Variants in APPBP2 observed in about 807,000 individuals in gnomAD.
APPBP2 encodes amyloid beta precursor protein binding protein 2.
Under a neutral mutation model 76.0 loss-of-function variants are expected in APPBP2, and 15 were observed. That is an observed-to-expected ratio of 0.20 (90% confidence interval 0.13 to 0.30). The LOEUF is 0.30. Among genes scored for constraint, APPBP2 ranks in the 10% least tolerant of loss-of-function variants. The pLI is 1.00. For missense variants in APPBP2, 401 were observed against 687.2 expected (o/e 0.58, Z 4.66); for synonymous variants, 222 against 242.2 (o/e 0.92, Z 0.77).
At chr17:60,496,019 T>A (rs1444807715) in intron 2 of APPBP2, among the ~76,000 whole-genome samples, 1 of 152,210 alleles carries the variant, frequency 6.6e-6, no homozygotes, top group East Asian at 1.9e-4. Context: ...TTATGCTAAG[T>A]GTCAGTCACA....
chr17:60,516,696 T>C (rs1013199837), intron 1 of APPBP2, among the ~76,000 whole-genome samples: 4 of 152,354 alleles, frequency 2.6e-5, no homozygotes, highest in Non-Finnish European at 5.9e-5. Flanking sequence ...TAAGTGTATA[T>C]ATCTTGAAGT....
chr17:60,503,391 AT>A lies in APPBP2; in HGVS notation c.139-2905del, dbSNP rs879353985. Among the ~76,000 whole-genome samples the A allele has an allele frequency of 1.1e-3, 144 of 135,206 alleles. 2 individuals are homozygous for A. The highest frequency in any genetic ancestry group is 2.1e-3 in the East Asian group (10 of 4,834). 88.7% of individuals were successfully genotyped at this position (135,206 alleles called of 152,430 possible). ...AAGTTTATCTAAAAAATGCAAAGTA[AT>A]TTTTTTTTTTTTGAGACAGAGTTTT... On this transcript the variant is annotated intron_variant, in intron 1 of 12. Coordinates refer to ENST00000083182, the MANE Select transcript of APPBP2 (RefSeq NM_006380.5).
chr17:60,500,461 T>A lies in APPBP2; in HGVS notation c.165A>T (p.Gln55His). The A allele has an allele frequency of 6.2e-7, 1 of 1,611,018 alleles. No homozygotes were observed. The highest frequency in any genetic ancestry group is 8.5e-7 in the Non-Finnish European group (1 of 1,178,910). ...CCAATTCACAAAATTCACTGCCCAG[T>A]TGACATAAGCGTCCCTGTTGGTAAA... ...YKLYQQGRLC[Q>H]LGSEFCELEV... The change falls in exon 2 of 13, where the codon CAA becomes CAT. Residue 55 changes from glutamine (Q) to histidine (H), a missense_variant. This residue lies in a region of APPBP2 where 149 missense variants were observed against 198.4 expected (regional missense o/e 0.75). Coordinates refer to ENST00000083182, the MANE Select transcript of APPBP2 (RefSeq NM_006380.5).
rs553905336 is a variant in APPBP2, at chr17:60,461,804, A to G, written c.936+6T>C. ...TGAAAGAAAAAAAGGGTAACCATTAACATACCTGATAAATTGCAACAGACT... is the reference window on the plus strand; with the variant it reads ...TGAAAGAAAAAAAGGGTAACCATTAGCATACCTGATAAATTGCAACAGACT... On this transcript the variant is annotated splice_donor_region_variant and intron_variant, in intron 8 of 12. Transcript: ENST00000083182. 2 of 1,589,134 alleles carry G rather than the reference A, an allele frequency of 1.3e-6. No homozygotes were observed. The highest frequency in any genetic ancestry group is 3.5e-5 in the Admixed American group (2 of 57,698).
rs1008543504 is a variant in APPBP2 at position 60,446,746 on chromosome 17, C to T, written c.*835G>A. ...TCTATTACATAATTTTTGCATTATC[C>T]TTTTTCATTATACATCTAAATGAAA... On this transcript the variant is annotated 3_prime_UTR_variant, in exon 13 of 13. Coordinates refer to ENST00000083182, the MANE Select transcript of APPBP2 (RefSeq NM_006380.5). The T allele has an allele frequency of 2.0e-5, 3 of 152,120 alleles. No individual in the cohort carries two copies. Among genetic ancestry groups the T allele is most frequent in the Non-Finnish European group, 4.4e-5 (3 of 68,016 alleles). The allele number at this position is 152,120 out of a possible 1,614,324, so 9.4% of individuals were successfully genotyped here.
intron 12 of APPBP2, among the ~76,000 whole-genome samples, chr17:60,450,665 C>G (rs1427852769): frequency 6.6e-6 from 1 of 150,438 alleles, no homozygotes; most frequent in African/African-American, 2.4e-5. Context: ...GTAGTCCCAG[C>G]TACTCAGGTG....
intron 1 of APPBP2, among the ~76,000 whole-genome samples, chr17:60,520,256 CATA>C (rs2090997768): frequency 6.6e-6 from 1 of 151,966 alleles, no homozygotes; most frequent in South Asian, 2.1e-4. Context: ...TTCTTTTCAG[CATA>C]ATACTTTAAT....
intron 3 of APPBP2, among the ~76,000 whole-genome samples, chr17:60,487,774 C>G (rs1390215607): frequency 1.3e-5 from 2 of 152,192 alleles, no homozygotes; most frequent in Non-Finnish European, 2.9e-5. Context: ...GGAGAAAAGG[C>G]ACTCTGGTTT....
intron 4 of APPBP2, among the ~76,000 whole-genome samples, chr17:60,471,696 A>C (rs1350597024): frequency 2.6e-5 from 4 of 151,856 alleles, no homozygotes; most frequent in African/African-American, 9.7e-5. Context: ...AATCCTTTTA[A>C]TATTCTATTA....
chr17:60,472,832 T>A (rs2090563352), intron 4 of APPBP2, among the ~76,000 whole-genome samples: 1 of 152,246 alleles, frequency 6.6e-6, no homozygotes. Context: ...GTTTTTGTAC[T>A]TTTAAGGTAC....
intron 12 of APPBP2, among the ~76,000 whole-genome samples, chr17:60,450,087 G>A (rs1465975671): frequency 6.6e-6 from 1 of 151,378 alleles, no homozygotes; most frequent in African/African-American, 2.4e-5. Context: ...GTGAGCCACC[G>A]TGCCTGGCTG....
intron 2 of APPBP2, among the ~76,000 whole-genome samples, chr17:60,498,260 G>T (rs1406605027): frequency 6.6e-6 from 1 of 152,156 alleles, no homozygotes; most frequent in Admixed American, 6.5e-5. Flanking sequence ...CTTCCAAAGT[G>T]TTAACTTTCC....
Position 60,446,775 on chromosome 17 carries a change from T to C in APPBP2, c.*806A>G, listed in dbSNP as rs1056246418. On this transcript the variant is annotated 3_prime_UTR_variant, in exon 13 of 13. Transcript: ENST00000083182. ...TTCATTATACATCTAAATGAAATCA[T>C]TCTACTGATAAAAGTATATGTAGGA... 1 of 152,230 alleles carries C rather than the reference T, an allele frequency of 6.6e-6. No individual in the cohort carries two copies. The highest frequency in any genetic ancestry group is 2.4e-5 in the African/African-American group (1 of 41,462). 9.4% of individuals were successfully genotyped at this position (152,230 alleles called of 1,614,324 possible). A position where few individuals can be genotyped will look rare whatever the true frequency, so the allele number is the denominator to read the frequency against.
At chr17:60,461,408 C>T in intron 8 of APPBP2, 1 of 159,008 alleles carries the variant, frequency 6.3e-6, no homozygotes, top group Non-Finnish European at 1.4e-5. Flanking sequence ...GTCAAGTATG[C>T]CTTGTCTACA....
intron 3 of APPBP2, among the ~76,000 whole-genome samples, chr17:60,485,310 T>C (rs7211039): frequency 0.2 from 29,692 of 152,176 alleles, 9,636 homozygotes; most frequent in African/African-American, 0.67. Context: ...TGGTAGAATT[T>C]GGCTGTGAAT....
At chr17:60,519,011 T>C (rs1300354754) in intron 1 of APPBP2, among the ~76,000 whole-genome samples, 5 of 152,210 alleles carry the variant, frequency 3.3e-5, no homozygotes, top group African/African-American at 1.2e-4. Context: ...CAGGCTAGTG[T>C]GCAGCGGCAC....
rs1179351844 is a variant in APPBP2 at position 60,445,500 on chromosome 17, A to G, written c.*2081T>C. The G allele has an allele frequency of 2.0e-5, 3 of 152,668 alleles. No individual in the cohort carries two copies. The highest frequency in any genetic ancestry group is 4.4e-5 in the Non-Finnish European group (3 of 68,048). The allele number at this position is 152,668 out of a possible 1,614,324, so 9.5% of individuals were successfully genotyped here. ...CAAAATATTTATTGAAAAACAATTT[A>G]CCATGACATTCCTATACCACAAACA... is the stretch of plus-strand genomic sequence containing the variant. On this transcript the variant is annotated 3_prime_UTR_variant, in exon 13 of 13. Coordinates refer to ENST00000083182, the MANE Select transcript of APPBP2 (RefSeq NM_006380.5).
At chr17:60,525,730 G>T in intron 1 of APPBP2, 64 bp downstream of exon 1, 1 of 1,606,078 alleles carries the variant, frequency 6.2e-7, no homozygotes, top group Non-Finnish European at 8.5e-7. Context: ...GTTCGCAGAC[G>T]TGGAAGGGGG....
chr17:60,458,127 G>A (rs1444170866), intron 9 of APPBP2, among the ~76,000 whole-genome samples: 1 of 152,122 alleles, frequency 6.6e-6, no homozygotes, highest in East Asian at 1.9e-4. Flanking sequence ...GCATGTAACA[G>A]TTACTTTAAA....
Sources: allele counts gnomAD v4.1 joint callset (sites outside exome capture counted in the v4.1 genomes callset), GRCh38; gene constraint gnomAD v4.1.1; regional missense constraint gnomAD v4.1.1; transcripts MANE v1.5; gene names NCBI Gene and HGNC (gene_info 2026-07-23, HGNC 2026-07-21).